The following SLC41A2 variants were observed in gnomAD, a reference collection of about 807,000 sequenced individuals.
SLC41A2 encodes the protein solute carrier family 41 member 2, also known as SLC41A1-like 1.
In SLC41A2, 32 loss-of-function variants were observed where a neutral mutation model predicts 58.3. The ratio of observed to expected loss-of-function variants is 0.55; its 90% confidence interval spans 0.41 to 0.74. The LOEUF (loss-of-function observed/expected upper bound fraction) is 0.74, where lower values mean the gene tolerates loss of function less well. Ranked by LOEUF, SLC41A2 falls within the 30% of genes least tolerant of loss-of-function variation. The pLI, the probability that SLC41A2 is intolerant of heterozygous loss-of-function variation, is 0.00. For missense variants in SLC41A2, 514 were observed against 680.6 expected (o/e 0.76, Z 2.72); for synonymous variants, 190 against 235.0 (o/e 0.81, Z 1.75).
Position 104,812,135 on chromosome 12 carries a change from C to G in SLC41A2, c.1537-6798G>C, listed in dbSNP as rs1027145784. On this transcript the variant is annotated intron_variant, in intron 10 of 10. Coordinates refer to ENST00000258538, the MANE Select transcript of SLC41A2 (RefSeq NM_001352171.3). ...ACAGTGGCAGGCAGGAGGATGACCT[C>G]CAGAGAGGAGAGCAGATGCTCACAT... 5.9e-5 allele frequency among the ~76,000 whole-genome samples: 9 copies of G among 152,170 alleles called. No homozygotes were observed. The South Asian group carries it at 6.2e-4, about 11-fold the overall frequency.
chr12:104,838,545 T>G (rs75633590), intron 10 of SLC41A2, among the ~76,000 whole-genome samples: 1,708 of 152,254 alleles, frequency 0.011, 41 homozygotes, highest in African/African-American at 0.039. Flanking sequence ...GTTTTTAAAA[T>G]TATATTAATA....
At chr12:104,854,897 C>T (rs563473206) in intron 8 of SLC41A2, among the ~76,000 whole-genome samples, 7 of 152,192 alleles carry the variant, frequency 4.6e-5, no homozygotes, top group East Asian at 1.9e-4. Flanking sequence ...GTATTTTCAC[C>T]TGTCTTTCTT....
At chr12:104,901,222 G>A (rs914365354) in intron 3 of SLC41A2, among the ~76,000 whole-genome samples, 1 of 151,546 alleles carries the variant, frequency 6.6e-6, no homozygotes, top group Non-Finnish European at 1.5e-5. Context: ...CTGTTTTTAG[G>A]GCAGTGAACA....
intron 3 of SLC41A2, among the ~76,000 whole-genome samples, chr12:104,905,599 GC>G (rs1192606606): frequency 1.3e-5 from 2 of 152,254 alleles, no homozygotes; most frequent in Non-Finnish European, 2.9e-5. Flanking sequence ...CCGCACAGGA[GC>G]CCATGGAGTG....
intron 1 of SLC41A2, among the ~76,000 whole-genome samples, chr12:104,934,029 C>T (rs918171334): frequency 6.6e-6 from 1 of 151,656 alleles, no homozygotes; most frequent in Non-Finnish European, 1.5e-5. Flanking sequence ...ACAATTCATC[C>T]ATGTAGCCCA....
chr12:104,828,346 C>A (rs535163512), intron 10 of SLC41A2, among the ~76,000 whole-genome samples: 136 of 152,336 alleles, frequency 8.9e-4, no homozygotes, highest in Middle Eastern at 3.4e-3. Flanking sequence ...TAAAACCTTG[C>A]ACTCATTCTC....
chr12:104,805,100 G>C lies in SLC41A2; in HGVS notation c.*52C>G. On this transcript the variant is annotated 3_prime_UTR_variant, in exon 11 of 11. Coordinates refer to ENST00000258538, the MANE Select transcript of SLC41A2 (RefSeq NM_001352171.3). ...AGAGTTTTGAAAAAGAGCCATAAGTGGTTGTCGTGTATTTTCTTCCTTGGT... is the reference window on the plus strand; with the variant it reads ...AGAGTTTTGAAAAAGAGCCATAAGTCGTTGTCGTGTATTTTCTTCCTTGGT... 2 of 1,449,838 alleles carry C rather than the reference G, an allele frequency of 1.4e-6. No homozygotes were observed. Among genetic ancestry groups the C allele is most frequent in the Non-Finnish European group, 1.9e-6 (2 of 1,071,932 alleles). The allele number at this position is 1,449,838 out of a possible 1,614,324, so 89.8% of individuals were successfully genotyped here. A position where few individuals can be genotyped will look rare whatever the true frequency, so the allele number is the denominator to read the frequency against.
chr12:104,943,267 A>C (rs556641341), intron 1 of SLC41A2, among the ~76,000 whole-genome samples: 4 of 152,238 alleles, frequency 2.6e-5, no homozygotes, highest in East Asian at 3.9e-4. Context: ...AACAATCTGG[A>C]ATCATCACCG....
At chr12:104,908,929 G>T (rs559985244) in intron 3 of SLC41A2, among the ~76,000 whole-genome samples, 1 of 152,266 alleles carries the variant, frequency 6.6e-6, no homozygotes, top group South Asian at 2.1e-4. Flanking sequence ...TCACAACATT[G>T]TTCATAATAG....
intron 10 of SLC41A2, among the ~76,000 whole-genome samples, chr12:104,807,994 A>AATCATGTC (rs1233095629): frequency 6.6e-6 from 1 of 152,194 alleles, no homozygotes. Flanking sequence ...CTAGATATAC[A>AATCATGTC]ATCATGTCAT....
rs2042530520 is a variant in SLC41A2 at position 104,844,452 on chromosome 12, C to T, written c.1536+20G>A. ...AGCAGTCTCAGCATAAAAGAGATTT[C>T]AAGAAGTTTTAACTCTTACCTGTAA... On this transcript the variant is annotated intron_variant, in intron 10 of 10. Transcript: ENST00000258538. 5 of 1,384,680 alleles carry T rather than the reference C, an allele frequency of 3.6e-6. No individual in the cohort carries two copies. The East Asian group carries it at 1.3e-4, about 37-fold the overall frequency. The allele number at this position is 1,384,680 out of a possible 1,614,324, so 85.8% of individuals were successfully genotyped here.
At chr12:104,857,771 C>T (rs149063405) in intron 8 of SLC41A2, among the ~76,000 whole-genome samples, 8 of 146,132 alleles carry the variant, frequency 5.5e-5, no homozygotes, top group African/African-American at 2.0e-4. Flanking sequence ...AACCAAACAC[C>T]GCATGTTCTC....
At chr12:104,816,448 G>C (rs559625972) in intron 10 of SLC41A2, among the ~76,000 whole-genome samples, 3 of 152,332 alleles carry the variant, frequency 2.0e-5, no homozygotes, top group East Asian at 3.9e-4. Flanking sequence ...GTAAGACTCT[G>C]AGGATCCTGA....
chr12:104,870,702 G>T (rs1565858813), intron 6 of SLC41A2, among the ~76,000 whole-genome samples: 1 of 152,068 alleles, frequency 6.6e-6, no homozygotes, highest in African/African-American at 2.4e-5. Flanking sequence ...ATTTTATATT[G>T]TTGACGGCAT....
intron 3 of SLC41A2, among the ~76,000 whole-genome samples, chr12:104,899,086 T>G (rs2045437206): frequency 6.6e-6 from 1 of 152,196 alleles, no homozygotes; most frequent in Admixed American, 6.5e-5. Flanking sequence ...GAATGCAAAA[T>G]GGTACTCTTC....
At chr12:104,929,966 C>T (rs188056562) in intron 1 of SLC41A2, among the ~76,000 whole-genome samples, 5 of 152,314 alleles carry the variant, frequency 3.3e-5, no homozygotes, top group East Asian at 1.9e-4. Context: ...CTATGTAGGA[C>T]GTAAGTGGGT....
intron 7 of SLC41A2, 74 bp from the exon 8 acceptor site, chr12:104,861,444 C>A: frequency 1.3e-6 from 1 of 786,374 alleles, no homozygotes; most frequent in African/African-American, 1.8e-5. Flanking sequence ...TACATACAGA[C>A]ACCCCTCCTT....
rs2040777744 is a variant in SLC41A2 at position 104,803,703 on chromosome 12, T to C, written c.*1449A>G. On this transcript the variant is annotated 3_prime_UTR_variant, in exon 11 of 11. Coordinates refer to ENST00000258538, the MANE Select transcript of SLC41A2 (RefSeq NM_001352171.3). The stretch of plus-strand genomic sequence containing the variant: ...GTTACCTATTCAATAACTAAGGTGT[T>C]GGTCAAGTGTTTAGAATATAGGCCA... 6.6e-6 allele frequency: 1 copy of C among 152,156 alleles called. No homozygotes were observed. Among genetic ancestry groups the C allele is most frequent in the African/African-American group, 2.4e-5 (1 of 41,440 alleles). The allele number at this position is 152,156 out of a possible 1,614,324, so 9.4% of individuals were successfully genotyped here. A position where few individuals can be genotyped will look rare whatever the true frequency, so the allele number is the denominator to read the frequency against.
intron 8 of SLC41A2, 110 bp from the exon 9 acceptor site, chr12:104,846,084 T>C: frequency 9.5e-7 from 1 of 1,053,992 alleles, no homozygotes; most frequent in Non-Finnish European, 1.4e-6. Flanking sequence ...TAAAACAAAA[T>C]AAAGAGTTCT....
Sources: allele counts gnomAD v4.1 joint callset (sites outside exome capture counted in the v4.1 genomes callset), GRCh38; gene constraint gnomAD v4.1.1; transcripts MANE v1.5; gene names NCBI Gene and HGNC (gene_info 2026-07-23, HGNC 2026-07-21).